EARS2: variants seen among roughly 807,000 people sequenced by gnomAD.
EARS2 encodes nondiscriminating glutamyl-tRNA synthetase EARS2, mitochondrial.
A neutral mutation model predicts 54.1 loss-of-function variants in EARS2; 50 were observed. The ratio of observed to expected loss-of-function variants is 0.92; its 90% CI spans 0.74 to 1.17. The LOEUF is 1.17. Among genes scored for constraint, EARS2 ranks in the 50% most tolerant of loss-of-function variants. EARS2 has a pLI of 0.00. For missense variants in EARS2, 673 were observed against 675.0 expected (o/e 1.00, Z 0.03); for synonymous variants, 298 against 281.0 (o/e 1.06, Z -0.61).
chr16:23,525,528 C>T lies in EARS2; in HGVS notation c.1353-149G>A, dbSNP rs954111068. 9.9e-6 allele frequency: 9 copies of T among 906,952 alleles called. No homozygotes were observed. The Admixed American group carries it at 1.1e-4, about 11-fold the overall frequency. 56.2% of individuals were successfully genotyped at this position (906,952 alleles called of 1,614,324 possible). On this transcript the variant is annotated intron_variant, in intron 7 of 8. Coordinates refer to ENST00000449606, the MANE Select transcript of EARS2 (RefSeq NM_001083614.2). ...TTGAGGGAGGTGAGGAAGATATTGA[C>T]CACTTTCTCCCTTATCCAGGTCGGG...
At chr16:23,554,300 A>G (rs1597029331) in intron 1 of EARS2, among the ~76,000 whole-genome samples, 2 of 152,226 alleles carry the variant, frequency 1.3e-5, no homozygotes, top group East Asian at 1.9e-4. Context: ...GATTACTGGC[A>G]TGAGCCACCA....
At chr16:23,548,678 G>C (rs1965645602) in intron 2 of EARS2, among the ~76,000 whole-genome samples, 1 of 152,130 alleles carries the variant, frequency 6.6e-6, no homozygotes. Flanking sequence ...TTCCTAGGCA[G>C]TCAGGGACAG....
rs769320749 is a variant in EARS2 at position 23,524,397 on chromosome 16, G to C, written c.1546C>G (p.Arg516Gly). 19 of 1,614,136 alleles carry C rather than the reference G, an allele frequency of 1.2e-5. No homozygotes were observed. The highest frequency in any genetic ancestry group is 1.4e-5 in the Non-Finnish European group (17 of 1,180,010). Residue 516 changes from arginine to glycine, a missense_variant, in exon 9 of 9, where the codon CGG (arginine) becomes GGG (glycine). By Grantham distance (125) the Arg-to-Gly change is moderately radical (BLOSUM62 -2). Around this residue, in one of 3 missense-constraint regions of EARS2, gnomAD observed 338 missense variants for 361.2 expected, o/e 0.94. Coordinates refer to ENST00000449606, the MANE Select transcript of EARS2 (RefSeq NM_001083614.2). ...TAGCTGGAAACCACCTTCTGGATCCGTTCCCGTACTTCCTTTGGTCCCAAG... is the reference window on the plus strand; with the variant it reads ...TAGCTGGAAACCACCTTCTGGATCCCTTCCCGTACTTCCTTTGGTCCCAAG... The part of the protein sequence containing the change: ...LALGPKEVRE[R>G]IQKVVSS
intron 1 of EARS2, among the ~76,000 whole-genome samples, chr16:23,554,612 A>T (rs1056332390): frequency 2.6e-5 from 4 of 152,188 alleles, no homozygotes; most frequent in South Asian, 4.1e-4. Context: ...TTCAACACTG[A>T]TGTGTGTAAC....
At chr16:23,542,606 G>A (rs981772096) in intron 3 of EARS2, among the ~76,000 whole-genome samples, 3 of 151,672 alleles carry the variant, frequency 2.0e-5, no homozygotes, top group Non-Finnish European at 4.4e-5. Context: ...GAGCCACCAC[G>A]TCCGGCCTGT....
In EARS2 at chr16:23,557,242, C is replaced by T; in HGVS notation, c.102G>A (p.Gly34=). 1 of 1,520,610 alleles carries T rather than the reference C, an allele frequency of 6.6e-7. No individual in the cohort carries two copies. The highest frequency in any genetic ancestry group is 1.4e-5 in the African/African-American group (1 of 72,182). The allele number at this position is 1,520,610 out of a possible 1,614,324, so 94.2% of individuals were successfully genotyped here. The change falls in exon 1 of 9, where the codon GGG becomes GGA. Residue 34 remains glycine (G), a synonymous_variant. Coordinates refer to ENST00000449606, the MANE Select transcript of EARS2 (RefSeq NM_001083614.2). The part of the protein sequence containing the change: ...RREANLGTDA[G]VAVRVRFAPS... ...GAGCGAACCGCACTCGCACCGCAACCCCGGCATCAGTGCCCAGGTTGGCCT... is the reference window on the plus strand; with the variant it reads ...GAGCGAACCGCACTCGCACCGCAACTCCGGCATCAGTGCCCAGGTTGGCCT...
At chr16:23,544,125 G>A (rs1226726002) in intron 3 of EARS2, among the ~76,000 whole-genome samples, 1 of 152,182 alleles carries the variant, frequency 6.6e-6, no homozygotes, top group Non-Finnish European at 1.5e-5. Flanking sequence ...ACTCCAGCTC[G>A]TACGTGCTCA....
At chr16:23,531,347 G>A (rs8048769) in intron 5 of EARS2, among the ~76,000 whole-genome samples, 111,986 of 151,544 alleles carry the variant, frequency 0.74, 41,875 homozygotes, top group Non-Finnish European at 0.81. Flanking sequence ...TGCAAGCTCC[G>A]CCTCCTGGGT....
Position 23,535,242 on chromosome 16 carries a change from C to G in EARS2, c.604G>C (p.Val202Leu). The G allele has an allele frequency of 1.2e-6, 2 of 1,612,574 alleles. No individual in the cohort carries two copies. The highest frequency in any genetic ancestry group is 4.5e-5 in the East Asian group (2 of 44,886). Residue 202 changes from valine to leucine, a missense_variant, in exon 4 of 9, where the codon GTC becomes CTC. This residue lies in a region of EARS2 where 316 missense variants were observed against 275.2 expected (regional missense o/e 1.15). Coordinates refer to ENST00000449606, the MANE Select transcript of EARS2 (RefSeq NM_001083614.2). ...EQVVPAFQDL[V>L]YGWNRHEVAS... ...ACTTCATGCCTATTCCAGCCATAGA[C>G]CAGGTCCTGGAAGGCTGGCACCACC... is the stretch of plus-strand genomic sequence containing the variant.
chr16:23,522,802 G>C lies in EARS2; in HGVS notation c.*1569C>G, dbSNP rs1322842950. On this transcript the variant is annotated 3_prime_UTR_variant, in exon 9 of 9. Coordinates refer to ENST00000449606, the MANE Select transcript of EARS2 (RefSeq NM_001083614.2). Reference sequence around the variant, plus strand: ...GGAGCAGCTTCTCTGAGTGGTTCTGGCTTAGGGTCTCCCATAGAGGTCACA... The same window carrying C: ...GGAGCAGCTTCTCTGAGTGGTTCTGCCTTAGGGTCTCCCATAGAGGTCACA... 6.6e-6 allele frequency: 1 copy of C among 152,160 alleles called. No individual in the cohort carries two copies. The highest frequency in any genetic ancestry group is 1.5e-5 in the Non-Finnish European group (1 of 68,044). The allele number at this position is 152,160 out of a possible 1,614,324, so 9.4% of individuals were successfully genotyped here.
At chr16:23,550,705 G>A (rs1405011077) in intron 2 of EARS2, 1 of 152,200 alleles carries the variant, frequency 6.6e-6, no homozygotes, top group Non-Finnish European at 1.5e-5. Context: ...CCAAAGTTTT[G>A]GGATTACAGG....
At chr16:23,552,376 C>T in intron 1 of EARS2, 72 bp from the exon 2 acceptor site, 1 of 1,481,396 alleles carries the variant, frequency 6.8e-7, no homozygotes, top group Middle Eastern at 1.8e-4. Flanking sequence ...CAAGTAAGCA[C>T]TACTGTGACA....
Position 23,529,869 on chromosome 16 carries a change from C to A in EARS2, c.1096G>T (p.Glu366Ter). 6.2e-7 allele frequency: 1 copy of A among 1,614,154 alleles called. No homozygotes were observed. The highest frequency in any genetic ancestry group is 8.5e-7 in the Non-Finnish European group (1 of 1,180,038). The change falls in exon 6 of 9, where the codon GAG becomes TAG. Residue 366 changes from glutamate (E) to a stop codon, truncating the protein, a stop_gained. Transcript: ENST00000449606. LOFTEE classifies it high-confidence loss of function. ...CCCACCAGCTGGCGCCTCTGGCTCT[C>A]ATTGCTCACCAGCCGCTGGAGGTGC... ...RLHLQRLVSN[E>*]SQRRQLVGKL...
chr16:23,548,013 G>A (rs1965632642), intron 2 of EARS2, among the ~76,000 whole-genome samples: 1 of 151,694 alleles, frequency 6.6e-6, no homozygotes, highest in Non-Finnish European at 1.5e-5. Flanking sequence ...GGCAGATCAC[G>A]AGGTCAGGAG....
intron 2 of EARS2, among the ~76,000 whole-genome samples, chr16:23,546,206 A>G (rs1304414784): frequency 1.3e-5 from 2 of 152,224 alleles, no homozygotes; most frequent in African/African-American, 4.8e-5. Context: ...CCGATTACAT[A>G]GGATAAATTT....
Position 23,544,696 on chromosome 16 carries a change from C to A in EARS2, c.303G>T (p.Pro101=), listed in dbSNP as rs1192543225. 6.9e-6 allele frequency: 11 copies of A among 1,600,312 alleles called. No individual in the cohort carries two copies. Among genetic ancestry groups the A allele is most frequent in the South Asian group, 1.1e-5 (1 of 89,322 alleles). The part of the protein sequence containing the change: ...IEDMLEWAGI[P]PDESPRRGGP... ...CGCCCCGGCGGGGGCTCTCATCAGG[C>A]GGGATGCCTGGAACACAGGGAATAA... The change falls in exon 3 of 9, where the codon CCG becomes CCT. Residue 101 remains proline (P), a synonymous_variant. Coordinates refer to ENST00000449606, the MANE Select transcript of EARS2 (RefSeq NM_001083614.2).
At position 23,521,844 on chromosome 16, in the gene EARS2, A is replaced by G. The variant is rs886580333; in HGVS notation, c.*2527T>C. On this transcript the variant is annotated 3_prime_UTR_variant, in exon 9 of 9. Transcript: ENST00000449606. Reference sequence around the variant, plus strand: ...TAACCATTCTTAATGTCTTAGAAACAGATGCTCTGACAACACTCAGTAGAT... The same window carrying G: ...TAACCATTCTTAATGTCTTAGAAACGGATGCTCTGACAACACTCAGTAGAT... 1.1e-5 allele frequency: 5 copies of G among 455,874 alleles called. No individual in the cohort carries two copies. The Admixed American group carries it at 1.2e-4, about 11-fold the overall frequency. 28.2% of individuals were successfully genotyped at this position (455,874 alleles called of 1,614,324 possible). A position where few individuals can be genotyped will look rare whatever the true frequency, so the allele number is the denominator to read the frequency against.
chr16:23,525,159 T>G, intron 8 of EARS2, 85 bp downstream of exon 8: 29 of 1,585,320 alleles, frequency 1.8e-5, no homozygotes, highest in Non-Finnish European at 2.3e-5. Flanking sequence ...TACTCAATAT[T>G]GAGCTCAGTG....
At chr16:23,539,579 A>G (rs1965479829) in intron 3 of EARS2, among the ~76,000 whole-genome samples, 1 of 152,228 alleles carries the variant, frequency 6.6e-6, no homozygotes, top group Admixed American at 6.6e-5. Context: ...AAACACGTTC[A>G]CCATGAGATG....
Sources: gnomAD v4.1 joint callset for allele counts (sites outside exome capture counted in the v4.1 genomes callset) on GRCh38, gnomAD v4.1.1 for gene constraint, gnomAD v4.1.1 regional missense constraint, MANE v1.5 for transcripts, NCBI Gene and HGNC (gene_info 2026-07-23, HGNC 2026-07-21) for gene names.